LPO: variants seen among roughly 807,000 people sequenced by gnomAD.
LPO encodes salivary peroxidase.
In LPO, 70 loss-of-function variants were observed where a neutral mutation model predicts 68.4. The ratio of observed to expected loss-of-function variants is 1.02; its 90% CI spans 0.84 to 1.25. The LOEUF is 1.25. Ranked by LOEUF, LPO falls within the 50% of genes most tolerant of loss-of-function variation. The probability of loss-of-function intolerance (pLI) is 0.00; values close to 1 mark genes in which losing one functional copy is unlikely to be tolerated. For missense variants in LPO, 873 were observed against 908.4 expected, an observed-to-expected ratio of 0.96 and a Z score of 0.50; for synonymous variants, 360 against 357.6, an observed-to-expected ratio of 1.01 and a Z score of -0.08.
At chr17:58,251,681 T>G (rs193242423) in intron 7 of LPO, 1 of 360,692 alleles carries the variant, frequency 2.8e-6, no homozygotes, top group Non-Finnish European at 5.4e-6. Context: ...TTCCAGTGTA[T>G]AAGTTCTTAG....
At chr17:58,256,014 C>A (rs890966972) in intron 9 of LPO, among the ~76,000 whole-genome samples, 1 of 152,174 alleles carries the variant, frequency 6.6e-6, no homozygotes, top group Admixed American at 6.5e-5. Flanking sequence ...TCCACCCTCA[C>A]CCCTATATCC....
At chr17:58,248,985 C>A in intron 4 of LPO, 75 bp from the exon 5 acceptor site, 1 of 1,101,730 alleles carries the variant, frequency 9.1e-7, no homozygotes, top group South Asian at 1.2e-5. Context: ...CACCTCTGGT[C>A]TCCATTTCCT....
chr17:58,244,308 G>T, intron 3 of LPO: 1 of 560,088 alleles, frequency 1.8e-6, no homozygotes, highest in South Asian at 2.3e-5. Context: ...ACCTGAAAGA[G>T]GACATCTAAT....
intron 10 of LPO, among the ~76,000 whole-genome samples, chr17:58,265,745 G>C (rs1970250641): frequency 6.6e-6 from 1 of 151,458 alleles, no homozygotes; most frequent in Non-Finnish European, 1.5e-5. Context: ...CCCATACCTG[G>C]CTAATTTTTT....
At chr17:58,267,271 C>A in intron 11 of LPO, 78 bp from the exon 12 acceptor site, 5 of 1,087,262 alleles carry the variant, frequency 4.6e-6, no homozygotes, top group Non-Finnish European at 6.9e-6. Flanking sequence ...GCTGATAGAG[C>A]TGGAGTGGAC....
chr17:58,248,085 G>T (rs1969884268), intron 4 of LPO, among the ~76,000 whole-genome samples: 1 of 152,156 alleles, frequency 6.6e-6, no homozygotes, highest in Non-Finnish European at 1.5e-5. Context: ...ATCGTGTTCT[G>T]GGTAAGATGG....
At chr17:58,256,990 CTTTTTTTTTTTT>C (rs1040765289) in intron 9 of LPO, among the ~76,000 whole-genome samples, 1 of 75,040 alleles carries the variant, frequency 1.3e-5, no homozygotes, top group South Asian at 5.8e-4. Context: ...AGGTCTTACT[CTTTTTTTTTTTT>C]TTTTTTTTTT....
chr17:58,262,305 C>G (rs1211492794), intron 9 of LPO, among the ~76,000 whole-genome samples: 1 of 152,198 alleles, frequency 6.6e-6, no homozygotes, highest in Non-Finnish European at 1.5e-5. Flanking sequence ...TAGTTCTTGT[C>G]TTTCGGCACA....
chr17:58,262,300 C>T (rs892797900), intron 9 of LPO, among the ~76,000 whole-genome samples: 1 of 152,158 alleles, frequency 6.6e-6, no homozygotes, highest in African/African-American at 2.4e-5. Flanking sequence ...GTTGGTAGTT[C>T]TTGTCTTTCG....
At chr17:58,250,740 C>G in intron 7 of LPO, 119 bp downstream of exon 7, 1 of 1,012,180 alleles carries the variant, frequency 9.9e-7, no homozygotes, top group Non-Finnish European at 1.5e-6. Flanking sequence ...TGGTAGTTTC[C>G]CATGCCTCAC....
chr17:58,244,090 GACACAC>G lies in LPO; in HGVS notation c.164+46_164+51del, dbSNP rs67390833. On this transcript the variant is annotated intron_variant, in intron 3 of 12. Coordinates refer to ENST00000262290, the MANE Select transcript of LPO (RefSeq NM_006151.3). ...CTGGACTCCCGAACCAGGTACGTGA[GACACAC>G]ACACACACACACACACACACACACA... 32,952 of 1,050,386 alleles carry G rather than the reference GACACAC, an allele frequency of 0.031. 176 individuals carry two copies. The highest frequency in any genetic ancestry group is 0.035 in the Non-Finnish European group (24,159 of 699,030). The allele number at this position is 1,050,386 out of a possible 1,614,324, so 65.1% of individuals were successfully genotyped here.
At chr17:58,247,891 G>A (rs1425745029) in intron 4 of LPO, among the ~76,000 whole-genome samples, 1 of 152,236 alleles carries the variant, frequency 6.6e-6, no homozygotes, top group Non-Finnish European at 1.5e-5. Flanking sequence ...CAAGTGAGGG[G>A]ACATTGGTGC....
intron 7 of LPO, chr17:58,250,890 T>C (rs8178340): frequency 3.0e-5 from 14 of 474,500 alleles, no homozygotes; most frequent in East Asian, 1.1e-4. Context: ...AGTGTGGGAA[T>C]TGGACAAGTA....
rs1177300294 is a variant in LPO at position 58,267,559 on chromosome 17, A to C, written c.1904A>C (p.Gln635Pro). 3.7e-6 allele frequency: 6 copies of C among 1,612,616 alleles called. No homozygotes were observed. The African/African-American group carries it at 6.7e-5, about 18-fold the overall frequency. Residue 635 changes from glutamine (Q) to proline (P), a missense_variant, in exon 12 of 13, where the codon CAG becomes CCG. Transcript: ENST00000262290. Reference protein sequence around the residue: ...GPLLACLLGKQFQQIRDGDRF... With the variant: ...GPLLACLLGKPFQQIRDGDRF... Reference sequence around the variant, plus strand: ...CTCCTGGCCTGCCTCTTGGGCAAGCAGTTCCAGCAGATCCGTGATGGAGAC... The same window carrying C: ...CTCCTGGCCTGCCTCTTGGGCAAGCCGTTCCAGCAGATCCGTGATGGAGAC...
chr17:58,242,864 TG>T (rs1212711260), intron 1 of LPO, 113 bp from the exon 2 acceptor site: 1 of 805,510 alleles, frequency 1.2e-6, no homozygotes, highest in African/African-American at 1.7e-5. Context: ...TCTCCTTTCC[TG>T]TTCCAATATT....
chr17:58,244,860 G>A (rs1424696887), intron 3 of LPO, among the ~76,000 whole-genome samples: 1 of 152,236 alleles, frequency 6.6e-6, no homozygotes, highest in Non-Finnish European at 1.5e-5. Flanking sequence ...AGGGCCCACA[G>A]GGCACCAGTA....
intron 8 of LPO, among the ~76,000 whole-genome samples, chr17:58,253,253 GTTC>G (rs1160770664): frequency 7.2e-5 from 11 of 152,070 alleles, no homozygotes; most frequent in Non-Finnish European, 1.6e-4. Context: ...GCCATTAACT[GTTC>G]TTCTATGACG....
chr17:58,264,756 T>C lies in LPO; in HGVS notation c.1301T>C (p.Leu434Pro), dbSNP rs758647931. ...TTTAGGGACTACCTACCCATTTTGCTAGGTGACCACATGCAGAAGTGGATA... is the reference window on the plus strand; with the variant it reads ...TTTAGGGACTACCTACCCATTTTGCCAGGTGACCACATGCAGAAGTGGATA... Reference protein sequence around the residue: ...ITFRDYLPILLGDHMQKWIPP... With the variant: ...ITFRDYLPILPGDHMQKWIPP... The change falls in exon 10 of 13, where the codon CTA becomes CCA. Residue 434 changes from leucine (L) to proline (P), a missense_variant. Leu to Pro is a moderately conservative substitution (Grantham distance 98, BLOSUM62 -3). Coordinates refer to ENST00000262290, the MANE Select transcript of LPO (RefSeq NM_006151.3). The C allele has an allele frequency of 6.8e-6, 11 of 1,614,242 alleles. No individual in the cohort carries two copies. Among genetic ancestry groups the C allele is most frequent in the Non-Finnish European group, 9.3e-6 (11 of 1,180,032 alleles).
At chr17:58,240,136 A>C (rs998010482) in intron 1 of LPO, among the ~76,000 whole-genome samples, 18 of 152,344 alleles carry the variant, frequency 1.2e-4, no homozygotes, top group African/African-American at 2.6e-4. Flanking sequence ...GAAAACTGGT[A>C]AACTTCACAG....
Sources: gnomAD v4.1 joint callset for allele counts (sites outside exome capture counted in the v4.1 genomes callset) on GRCh38, gnomAD v4.1.1 for gene constraint, MANE v1.5 for transcripts, NCBI Gene and HGNC (gene_info 2026-07-23, HGNC 2026-07-21) for gene names.